The following ECH1 variants were observed in gnomAD, a reference collection of about 807,000 sequenced individuals.
ECH1 encodes the protein delta(3,5)-Delta(2,4)-dienoyl-CoA isomerase, mitochondrial.
In ECH1, 30 loss-of-function variants were observed where a neutral mutation model predicts 37.0. The ratio of observed to expected loss-of-function variants is 0.81; its 90% CI spans 0.61 to 1.10. The LOEUF is 1.10. Ranked by LOEUF, ECH1 falls within the 50% of genes least tolerant of loss-of-function variation. The pLI is 0.00. For missense variants in ECH1, 456 were observed against 441.6 expected (o/e 1.03, Z -0.29); for synonymous variants, 178 against 176.0 (o/e 1.01, Z -0.09).
chr19:38,824,420 C>T (rs372625351), intron 3 of ECH1, among the ~76,000 whole-genome samples: 103 of 152,220 alleles, frequency 6.8e-4, no homozygotes, highest in African/African-American at 2.4e-3. Flanking sequence ...ACCAAAACCG[C>T]GGGTGGTTTT....
At chr19:38,820,298 G>C (rs2145374384) in intron 3 of ECH1, 1 of 152,054 alleles carries the variant, frequency 6.6e-6, no homozygotes, top group Non-Finnish European at 1.5e-5. Flanking sequence ...CTGACCTCGT[G>C]ATCCGCCTGC....
At chr19:38,824,581 T>C (rs1270633511) in intron 3 of ECH1, among the ~76,000 whole-genome samples, 2 of 152,118 alleles carry the variant, frequency 1.3e-5, no homozygotes, top group Admixed American at 1.3e-4. Context: ...CTCTCTCTGA[T>C]GGGGAAAAAT....
rs1432997442 is a variant in ECH1, at chr19:38,815,626, A to T, written c.974T>A (p.Phe325Tyr). The T allele has an allele frequency of 6.2e-7, 1 of 1,614,012 alleles. No individual in the cohort carries two copies. Among genetic ancestry groups the T allele is most frequent in the East Asian group, 2.2e-5 (1 of 44,876 alleles). ...ACGCGAGGGCTCTCAGAGCTTGGAG[A>T]AGGTGACGGTTTTCAGTTCCTTGTT... ...TENKELKTVT[F>Y]SKL The change falls in exon 10 of 10, where the codon TTC becomes TAC. Residue 325 changes from phenylalanine (F) to tyrosine (Y), a missense_variant. Transcript: ENST00000221418.
At position 38,815,993 on chromosome 19, in the gene ECH1, T is replaced by A; in HGVS notation, c.746A>T (p.Asp249Val). ...GSGLVSRVFP[D>V]KEVMLDAALA... ...GGCAGCATCCAGCATGACCTCTTTGTCTGGGAACACCCGGCTGCAGTGAAA... is the reference window on the plus strand; with the variant it reads ...GGCAGCATCCAGCATGACCTCTTTGACTGGGAACACCCGGCTGCAGTGAAA... Residue 249 changes from aspartate (D) to valine (V), a missense_variant, in exon 9 of 10, where the codon GAC becomes GTC. By Grantham distance (152) the Asp-to-Val change is radical (BLOSUM62 -3). Transcript: ENST00000221418. 6.2e-7 allele frequency: 1 copy of A among 1,613,384 alleles called. No homozygotes were observed. The highest frequency in any genetic ancestry group is 1.1e-5 in the South Asian group (1 of 91,040).
intron 3 of ECH1, among the ~76,000 whole-genome samples, chr19:38,827,710 C>T (rs1971759291): frequency 6.6e-6 from 1 of 152,080 alleles, no homozygotes; most frequent in Non-Finnish European, 1.5e-5. Context: ...CACTGTCACC[C>T]AGGCTGGGTG....
chr19:38,819,435 T>G (rs917334786), intron 3 of ECH1, among the ~76,000 whole-genome samples: 3 of 152,134 alleles, frequency 2.0e-5, no homozygotes, highest in Non-Finnish European at 4.4e-5. Context: ...ACCTCCGGGC[T>G]GCACAGCTGC....
At position 38,831,563 on chromosome 19, in the gene ECH1, A is replaced by T. The variant is rs1430928842; in HGVS notation, c.53-47T>A. ...TTGATGACCCCAGACTGCAAGACAC[A>T]GGCCTATCGAATTAGGGAGTCCTTC... On this transcript the variant is annotated intron_variant, in intron 1 of 9. Transcript: ENST00000221418. 7.0e-6 allele frequency: 11 copies of T among 1,576,164 alleles called. No homozygotes were observed. In the Admixed American group the frequency reaches 1.5e-4, roughly 21 times the overall value.
intron 3 of ECH1, among the ~76,000 whole-genome samples, chr19:38,828,867 T>A (rs1279626339): frequency 6.7e-6 from 1 of 150,126 alleles, no homozygotes; most frequent in Non-Finnish European, 1.5e-5. Flanking sequence ...GTGATCCGCC[T>A]GCCTCGACCT....
In ECH1 at chr19:38,815,461, G is replaced by T. The variant is rs2145367556; in HGVS notation, c.*152C>A. On this transcript the variant is annotated 3_prime_UTR_variant, in exon 10 of 10. Transcript: ENST00000221418. Reference sequence around the variant, plus strand: ...TTATTGTTTGTGGGGTGAAGATAAGGCCTTGGGCTTGAGAAACTCATTGTC... The same window carrying T: ...TTATTGTTTGTGGGGTGAAGATAAGTCCTTGGGCTTGAGAAACTCATTGTC... The T allele has an allele frequency of 1.4e-6, 1 of 698,360 alleles. No individual in the cohort carries two copies. The highest frequency in any genetic ancestry group is 1.8e-5 in the African/African-American group (1 of 55,982). The allele number at this position is 698,360 out of a possible 1,614,324, so 43.3% of individuals were successfully genotyped here.
At chr19:38,830,977 TA>T in intron 3 of ECH1, 100 bp downstream of exon 3, 1 of 1,060,746 alleles carries the variant, frequency 9.4e-7, no homozygotes, top group Non-Finnish European at 1.4e-6. Flanking sequence ...AAAAAGTGTG[TA>T]AGTCAGAAGC....
intron 3 of ECH1, among the ~76,000 whole-genome samples, chr19:38,821,584 C>G (rs931308909): frequency 6.6e-6 from 1 of 152,208 alleles, no homozygotes; most frequent in Admixed American, 6.5e-5. Context: ...CGACCCCGCA[C>G]TCGGAGTGGT....
intron 3 of ECH1, among the ~76,000 whole-genome samples, chr19:38,829,266 C>A (rs1971782295): frequency 8.8e-6 from 1 of 113,588 alleles, no homozygotes. Context: ...GCCTGGTCAA[C>A]AGAGTGAGAC....
Position 38,815,734 on chromosome 19 carries a change from TGAGA to T in ECH1, c.883-21_883-18del, listed in dbSNP as rs1971563113. On this transcript the variant is annotated intron_variant, in intron 9 of 9. Transcript: ENST00000221418. ...CCAGGACGCCTGGTACCGAGGGTGT[TGAGA>T]GAGAACGAGGAGAGAGATTAGCAGG... is the stretch of plus-strand genomic sequence containing the variant. The T allele has an allele frequency of 6.2e-7, 1 of 1,614,022 alleles. No individual in the cohort carries two copies. The highest frequency in any genetic ancestry group is 8.5e-7 in the Non-Finnish European group (1 of 1,179,994).
chr19:38,815,945 G>A lies in ECH1; in HGVS notation c.794C>T (p.Ser265Phe), dbSNP rs767633667. 3 of 1,614,138 alleles carry A rather than the reference G, an allele frequency of 1.9e-6. No individual in the cohort carries two copies. Among genetic ancestry groups the A allele is most frequent in the Non-Finnish European group, 2.5e-6 (3 of 1,180,030 alleles). ...DAALALAAEI[S>F]SKSPVAVQST... ...CTGCACCGCCACGGGGCTCTTGCTGGAAATCTCGGCCGCCAGCGCTAAGGC... is the reference window on the plus strand; with the variant it reads ...CTGCACCGCCACGGGGCTCTTGCTGAAAATCTCGGCCGCCAGCGCTAAGGC... Residue 265 changes from serine (S) to phenylalanine (F), a missense_variant, in exon 9 of 10, where the codon TCC becomes TTC. Ser to Phe is a radical substitution (Grantham distance 155). Transcript: ENST00000221418.
At chr19:38,816,238 AGGCCT>A (rs1568355876) in intron 8 of ECH1, 41 bp downstream of exon 8, 5 of 1,606,302 alleles carry the variant, frequency 3.1e-6, no homozygotes, top group Admixed American at 1.7e-5. Context: ...CCAACCCTCC[AGGCCT>A]GGCTGCCCCC....
chr19:38,816,416 G>T lies in ECH1; in HGVS notation c.659+37C>A, dbSNP rs765967631. 6.8e-6 allele frequency: 11 copies of T among 1,613,836 alleles called. No homozygotes were observed. The South Asian group carries it at 1.1e-4, about 16-fold the overall frequency. On this transcript the variant is annotated intron_variant, in intron 7 of 9. Transcript: ENST00000221418. ...ACCCCGGGGCTGGGAGATGCTCTGG[G>T]GTCTCCTGCCCACACCCCCACACCC...
rs113716876 is a variant in ECH1 at position 38,816,370 on chromosome 19, G to A, written c.660-15C>T. 2.5e-5 allele frequency: 41 copies of A among 1,613,954 alleles called. 1 individual carries two copies. The highest frequency in any genetic ancestry group is 2.0e-4 in the African/African-American group (15 of 75,024). On this transcript the variant is annotated splice_polypyrimidine_tract_variant and intron_variant, in intron 7 of 9. Coordinates refer to ENST00000221418, the MANE Select transcript of ECH1 (RefSeq NM_001398.3). ...CGTTGACCAGGCTGCAAAGGCAAGCGTGCATCAGGAGGCGGCTGCCACCCC... is the reference window on the plus strand; with the variant it reads ...CGTTGACCAGGCTGCAAAGGCAAGCATGCATCAGGAGGCGGCTGCCACCCC...
chr19:38,831,692 G>A (rs367950248), intron 1 of ECH1, 29 bp downstream of exon 1: 182 of 1,613,066 alleles, frequency 1.1e-4, no homozygotes, highest in Middle Eastern at 3.3e-4. Flanking sequence ...ACAGCGCGAC[G>A]CACCCCCATA....
In ECH1 at chr19:38,831,256, C is replaced by A. The variant is rs1971816969; in HGVS notation, c.260+53G>T. On this transcript the variant is annotated intron_variant, in intron 2 of 9. Transcript: ENST00000221418. ...CCACAACGTTCCACTTTCACCCAGT[C>A]CCGCAGCCCCGCCTCCCCCCGCAGG... The A allele has an allele frequency of 4.4e-6, 7 of 1,608,162 alleles. No homozygotes were observed. The South Asian group carries it at 7.7e-5, about 18-fold the overall frequency.
Sources: allele counts gnomAD v4.1 joint callset (sites outside exome capture counted in the v4.1 genomes callset), GRCh38; gene constraint gnomAD v4.1.1; transcripts MANE v1.5; gene names NCBI Gene and HGNC (gene_info 2026-07-23, HGNC 2026-07-21).